Variants in IGDCC3 observed in about 807,000 individuals in gnomAD.
The protein encoded by IGDCC3 is immunoglobulin superfamily DCC subclass member 3.
Under a neutral mutation model 72.0 loss-of-function variants are expected in IGDCC3, and 47 were observed. The ratio of observed to expected loss-of-function variants is 0.65; its 90% CI spans 0.52 to 0.83. The LOEUF (loss-of-function observed/expected upper bound fraction) is 0.83, where lower values mean the gene tolerates loss of function less well. IGDCC3 is among the 40% of genes least tolerant of loss of function. The pLI, the probability that IGDCC3 is intolerant of heterozygous loss-of-function variation, is 0.00. For synonymous variants in IGDCC3, 477 were observed against 472.8 expected (o/e 1.01, Z -0.11); for missense variants, 1,038 against 1,091.3 (o/e 0.95, Z 0.69).
In IGDCC3 at chr15:65,327,359, A is replaced by C. The variant is rs1252550507; in HGVS notation, c.*1550T>G. 1 of 152,254 alleles carries C rather than the reference A, an allele frequency of 6.6e-6. No homozygotes were observed. Among genetic ancestry groups the C allele is most frequent in the Admixed American group, 6.5e-5 (1 of 15,282 alleles). 9.4% of individuals were successfully genotyped at this position (152,254 alleles called of 1,614,324 possible). A position where few individuals can be genotyped will look rare whatever the true frequency, so the allele number is the denominator to read the frequency against. On this transcript the variant is annotated 3_prime_UTR_variant, in exon 14 of 14. Transcript: ENST00000327987. ...AGAAGGGAAGGGACTACCCTTCCCC[A>C]AGTCCACGCGGACACAGCTCTAGTT...
chr15:65,329,533 C>T lies in IGDCC3; in HGVS notation c.2062G>A (p.Asp688Asn), dbSNP rs1447272431. ...CCATTTAGGGCTAGAATGCCAGGGT[C>T]CCTCTGGCTCCGGGGACCCTGTGGA... ...SPPQGPRSQR[D>N]PGILALNGAR... is the part of the protein sequence containing the mutation. Residue 688 changes from aspartate to asparagine, a missense_variant, in exon 13 of 14, where the codon GAC becomes AAC. Asp to Asn is a conservative substitution (Grantham distance 23). Transcript: ENST00000327987. This position sits in a 1 kb window ranked among gnomAD's most constrained non-coding sequence, Gnocchi z 4.1. 1.2e-6 allele frequency: 2 copies of T among 1,607,280 alleles called. No homozygotes were observed. The highest frequency in any genetic ancestry group is 2.2e-5 in the East Asian group (1 of 44,850).
intron 2 of IGDCC3, chr15:65,355,694 G>A (rs1272776317): frequency 2.5e-6 from 1 of 401,510 alleles, no homozygotes; most frequent in Non-Finnish European, 4.8e-6. Flanking sequence ...AATAGTGTCC[G>A]CGCTGAATGG....
At chr15:65,370,084 C>A (rs529680135) in intron 2 of IGDCC3, among the ~76,000 whole-genome samples, 37 of 152,258 alleles carry the variant, frequency 2.4e-4, no homozygotes, top group South Asian at 1.2e-3. Flanking sequence ...ACTTTCTCTC[C>A]TCTCCCCATG....
intron 2 of IGDCC3, among the ~76,000 whole-genome samples, chr15:65,337,527 G>A (rs2091041814): frequency 6.6e-6 from 1 of 152,160 alleles, no homozygotes; most frequent in East Asian, 1.9e-4. Flanking sequence ...GTGGGGGCAA[G>A]TGTCCCAGCT....
chr15:65,336,055 C>A, intron 2 of IGDCC3, 99 bp from the exon 3 acceptor site: 2 of 1,267,748 alleles, frequency 1.6e-6, no homozygotes, highest in Non-Finnish European at 1.1e-6. Context: ...ACCTGGAGCC[C>A]ACTCCATCCA....
intron 2 of IGDCC3, among the ~76,000 whole-genome samples, chr15:65,343,480 G>C (rs139891754): frequency 1.2e-4 from 19 of 152,248 alleles, no homozygotes; most frequent in Middle Eastern, 3.4e-3. Flanking sequence ...CTGCCTGGGG[G>C]CTTCACGGGG....
intron 2 of IGDCC3, among the ~76,000 whole-genome samples, chr15:65,358,937 T>A (rs148911759): frequency 0.013 from 1,974 of 152,320 alleles, 16 homozygotes; most frequent in Middle Eastern, 0.02. Context: ...ACAATTCTTG[T>A]GCCTCAGCCT....
chr15:65,359,686 G>A (rs1211412426), intron 2 of IGDCC3, among the ~76,000 whole-genome samples: 1 of 152,180 alleles, frequency 6.6e-6, no homozygotes, highest in Non-Finnish European at 1.5e-5. Flanking sequence ...ATATGCGGGT[G>A]CCCTTTCATA....
intron 2 of IGDCC3, among the ~76,000 whole-genome samples, chr15:65,351,211 C>CA (rs1386272309): frequency 1.3e-5 from 2 of 151,986 alleles, no homozygotes; most frequent in African/African-American, 2.4e-5. Context: ...TGCTCTTTCA[C>CA]AAAAAAATGT....
intron 2 of IGDCC3, among the ~76,000 whole-genome samples, chr15:65,367,996 C>T (rs1018605150): frequency 6.6e-6 from 1 of 152,266 alleles, no homozygotes; most frequent in African/African-American, 2.4e-5. Flanking sequence ...AGGTTAGTTA[C>T]ACAAGGCAGA....
In IGDCC3 at chr15:65,329,664, A is replaced by T; in HGVS notation, c.1997+62T>A. 1.2e-6 allele frequency: 2 copies of T among 1,611,882 alleles called. No homozygotes were observed. The highest frequency in any genetic ancestry group is 1.7e-6 in the Non-Finnish European group (2 of 1,178,516). On this transcript the variant is annotated intron_variant, in intron 12 of 13. Coordinates refer to ENST00000327987, the MANE Select transcript of IGDCC3 (RefSeq NM_004884.4). The surrounding 1 kb of genome is among the most constrained non-coding windows in gnomAD (Gnocchi z 4.1). ...AGACAGAGGCAGTGAGCCCACACTCACCTTCTCTAGGCCTAGTCCCCCACA... is the reference window on the plus strand; with the variant it reads ...AGACAGAGGCAGTGAGCCCACACTCTCCTTCTCTAGGCCTAGTCCCCCACA...
chr15:65,337,421 G>A (rs2091040392), intron 2 of IGDCC3, among the ~76,000 whole-genome samples: 1 of 152,080 alleles, frequency 6.6e-6, no homozygotes, highest in Non-Finnish European at 1.5e-5. Flanking sequence ...GCTGCGGCGG[G>A]TGTGTACCTC....
intron 7 of IGDCC3, 21 bp from the exon 8 acceptor site, chr15:65,331,680 C>A: frequency 6.4e-7 from 1 of 1,567,426 alleles, no homozygotes; most frequent in South Asian, 1.2e-5. Flanking sequence ...GAGAGACAGC[C>A]TCAGGTTCCC....
chr15:65,377,398 C>T lies in IGDCC3; in HGVS notation c.103+288G>A, dbSNP rs756218129. Among the ~76,000 whole-genome samples the T allele has an allele frequency of 1.5e-4, 23 of 152,176 alleles. No individual in the cohort carries two copies. Among genetic ancestry groups the T allele is most frequent in the Non-Finnish European group, 2.6e-4 (18 of 68,026 alleles). ...CGTTTCCCTCGGTCTCCACGCCAGC[C>T]CGCCCCGCTTGCTCCCGCTTCGCTG... is the stretch of plus-strand genomic sequence containing the variant. On this transcript the variant is annotated intron_variant, in intron 1 of 13. Coordinates refer to ENST00000327987, the MANE Select transcript of IGDCC3 (RefSeq NM_004884.4). The surrounding 1 kb of genome is among the most constrained non-coding windows in gnomAD (Gnocchi z 4.9).
intron 2 of IGDCC3, among the ~76,000 whole-genome samples, chr15:65,343,996 C>A (rs1370613610): frequency 6.6e-6 from 1 of 152,188 alleles, no homozygotes; most frequent in African/African-American, 2.4e-5. Context: ...TAGCCCCTGA[C>A]TTTGGCTCTG....
intron 2 of IGDCC3, among the ~76,000 whole-genome samples, chr15:65,353,047 A>G (rs2140157235): frequency 6.6e-6 from 1 of 152,254 alleles, no homozygotes; most frequent in East Asian, 1.9e-4. Context: ...TCAGCTAACA[A>G]CCCCATATCA....
intron 2 of IGDCC3, among the ~76,000 whole-genome samples, chr15:65,342,199 C>G (rs1054211739): frequency 6.6e-6 from 1 of 151,850 alleles, no homozygotes; most frequent in East Asian, 2.0e-4. Context: ...CCAGCCTGAC[C>G]AACATGGAGA....
intron 2 of IGDCC3, among the ~76,000 whole-genome samples, 173 bp from the exon 3 acceptor site, chr15:65,336,129 CAAT>C (rs916237726): frequency 2.0e-5 from 3 of 152,178 alleles, no homozygotes; most frequent in African/African-American, 4.8e-5. Flanking sequence ...CCCCAGCCTC[CAAT>C]AGCTAGGAAA....
At chr15:65,375,551 A>G in intron 1 of IGDCC3, 149 bp from the exon 2 acceptor site, 1 of 642,178 alleles carries the variant, frequency 1.6e-6, no homozygotes, top group African/African-American at 1.8e-5. Context: ...TTCCTATTAT[A>G]TATAGAACTT....
Sources: gnomAD v4.1 joint callset for allele counts (sites outside exome capture counted in the v4.1 genomes callset) on GRCh38, gnomAD v4.1.1 for gene constraint, Gnocchi (gnomAD v3.1) non-coding constraint, MANE v1.5 for transcripts, NCBI Gene and HGNC (gene_info 2026-07-23, HGNC 2026-07-21) for gene names.